Variants in SLC27A5 observed in about 807,000 individuals in gnomAD.
The protein encoded by SLC27A5 is long-chain fatty acid transport protein 5.
In SLC27A5, 47 loss-of-function variants were observed where a neutral mutation model predicts 63.1. That is an observed-to-expected ratio of 0.74 (90% CI 0.59 to 0.95). SLC27A5 has a LOEUF of 0.95. Ranked by LOEUF, SLC27A5 falls within the 40% of genes least tolerant of loss-of-function variation. The pLI, the probability that SLC27A5 is intolerant of heterozygous loss-of-function variation, is 0.00. For missense variants in SLC27A5, 940 were observed against 921.0 expected, an observed-to-expected ratio of 1.02 and a Z score of -0.27; for synonymous variants, 391 against 403.8, an observed-to-expected ratio of 0.97 and a Z score of 0.38.
At chr19:58,500,211 TC>T (rs2053257846) in intron 6 of SLC27A5, 127 bp downstream of exon 6, 1 of 739,332 alleles carries the variant, frequency 1.4e-6, no homozygotes. Flanking sequence ...TGGCTCAGGG[TC>T]CAGATGAAGG....
In SLC27A5 at chr19:58,500,844, A is replaced by G. The variant is rs1393930581; in HGVS notation, c.1183-138T>C. 3.4e-6 allele frequency: 5 copies of G among 1,453,258 alleles called. No homozygotes were observed. The Admixed American group carries it at 1.0e-4, about 30-fold the overall frequency. The allele number at this position is 1,453,258 out of a possible 1,614,324, so 90.0% of individuals were successfully genotyped here. A position where few individuals can be genotyped will look rare whatever the true frequency, so the allele number is the denominator to read the frequency against. On this transcript the variant is annotated intron_variant, in intron 4 of 9. Coordinates refer to ENST00000263093, the MANE Select transcript of SLC27A5 (RefSeq NM_012254.3). The stretch of plus-strand genomic sequence containing the variant: ...GTGATGGGGGACCTCTACCTAAGGG[A>G]TCTACCTGGGTTACTTACATGAGAG...
rs1568626509 is a variant in SLC27A5 at position 58,499,576 on chromosome 19, T to C, written c.1583A>G (p.Asp528Gly). The change falls in exon 7 of 10, where the codon GAC (aspartate) becomes GGC (glycine). Residue 528 changes from aspartate (D) to glycine (G), a missense_variant. By Grantham distance (94) the Asp-to-Gly change is moderately conservative. Coordinates refer to ENST00000263093, the MANE Select transcript of SLC27A5 (RefSeq NM_012254.3). ...TACGTCCCCGGTGTTGTAGTAAACGTCGCCCGATTGCCGCACGTTGCGCAC... is the reference window on the plus strand; with the variant it reads ...TACGTCCCCGGTGTTGTAGTAAACGCCGCCCGATTGCCGCACGTTGCGCAC... ...KLVRNVRQSG[D>G]VYYNTGDVLA... is the part of the protein sequence containing the mutation. 6.2e-7 allele frequency: 1 copy of C among 1,612,842 alleles called. No individual in the cohort carries two copies. Among genetic ancestry groups the C allele is most frequent in the Non-Finnish European group, 8.5e-7 (1 of 1,179,970 alleles).
Position 58,509,843 on chromosome 19 carries a change from T to G in SLC27A5, c.1057+4A>C. 6.2e-7 allele frequency: 1 copy of G among 1,610,278 alleles called. No individual in the cohort carries two copies. The highest frequency in any genetic ancestry group is 8.5e-7 in the Non-Finnish European group (1 of 1,178,044). On this transcript the variant is annotated splice_donor_region_variant and intron_variant, in intron 3 of 9. Coordinates refer to ENST00000263093, the MANE Select transcript of SLC27A5 (RefSeq NM_012254.3). Reference sequence around the variant, plus strand: ...ACTGGAGGGATCCTCAGAAGTGGGCTTACCGAGATCTAAGCAGCCGAGGAT... The same window carrying G: ...ACTGGAGGGATCCTCAGAAGTGGGCGTACCGAGATCTAAGCAGCCGAGGAT...
In SLC27A5 at chr19:58,500,593, G is replaced by A. The variant is rs773246436; in HGVS notation, c.1296C>T (p.Tyr432=). The change falls in exon 5 of 10, where the codon TAC becomes TAT. Residue 432 remains tyrosine, a synonymous_variant. Transcript: ENST00000263093. The stretch of plus-strand genomic sequence containing the variant: ...AGCCCATGTTGCCTTCTGTGGAGCC[G>A]TAGACTTCCCAGATCCGAATAGGAC... ...RFGPIRIWEV[Y]GSTEGNMGLV... is the part of the protein sequence containing the mutation. 3.0e-5 allele frequency: 49 copies of A among 1,613,964 alleles called. No homozygotes were observed. The highest frequency in any genetic ancestry group is 2.5e-4 in the East Asian group (11 of 44,884).
rs1339022690 is a variant in SLC27A5 at position 58,511,413 on chromosome 19, A to C, written c.543T>G (p.Ala181=). The part of the protein sequence containing the change: ...AGEPTALLVL[A]SQAVPALCMW... ...TACACAGGGCTGGAACGGCCTGGGAAGCCAGCACAAGGAGGGCAGTAGGCT... is the reference window on the plus strand; with the variant it reads ...TACACAGGGCTGGAACGGCCTGGGACGCCAGCACAAGGAGGGCAGTAGGCT... Residue 181 remains alanine, a synonymous_variant, in exon 1 of 10, where the codon GCT becomes GCG. Coordinates refer to ENST00000263093, the MANE Select transcript of SLC27A5 (RefSeq NM_012254.3). 8 of 1,607,406 alleles carry C rather than the reference A, an allele frequency of 5.0e-6. No individual in the cohort carries two copies. The highest frequency in any genetic ancestry group is 5.9e-6 in the Non-Finnish European group (7 of 1,177,150).
chr19:58,501,224 G>T, intron 4 of SLC27A5, 62 bp downstream of exon 4: 1 of 1,578,616 alleles, frequency 6.3e-7, no homozygotes, highest in South Asian at 1.1e-5. Context: ...CTTTACCTGA[G>T]ACCTTTACCT....
rs759825828 is a variant in SLC27A5, at chr19:58,511,815, C to G, written c.141G>C (p.Gly47=). The G allele has an allele frequency of 6.4e-7, 1 of 1,558,944 alleles. No individual in the cohort carries two copies. The highest frequency in any genetic ancestry group is 1.9e-5 in the Admixed American group (1 of 52,182). The change falls in exon 1 of 10, where the codon GGG becomes GGC. Residue 47 remains glycine, a synonymous_variant. Transcript: ENST00000263093. ...LGDPTCCVLL[G]LAMLARPWLG... ...GCCAGGGCCGTGCTAACATGGCCAG[C>G]CCAAGTAGCACGCAACATGTGGGAT...
Position 58,511,506 on chromosome 19 carries a change from G to A in SLC27A5, c.450C>T (p.Ala150=), listed in dbSNP as rs200537300. 168 of 1,572,120 alleles carry A rather than the reference G, an allele frequency of 1.1e-4. No homozygotes were observed. The Admixed American group carries it at 1.3e-3, about 12-fold the overall frequency. The change falls in exon 1 of 10, where the codon GCC becomes GCT. Residue 150 remains alanine, a synonymous_variant. Coordinates refer to ENST00000263093, the MANE Select transcript of SLC27A5 (RefSeq NM_012254.3). Reference sequence around the variant, plus strand: ...GGGCCCATGCCGCCTGGCAGGCCCGGGCATCCAGCTCACCAAAGGTGACTG... The same window carrying A: ...GGGCCCATGCCGCCTGGCAGGCCCGAGCATCCAGCTCACCAAAGGTGACTG... ...AGSVTFGELD[A]RACQAAWALK...
Position 58,511,474 on chromosome 19 carries a change from G to T in SLC27A5, c.482C>A (p.Ala161Asp). ...RACQAAWALK[A>D]ELGDPASLCA... ...CAGGCTCGCAGGGTCACCCAGCTCA[G>T]CCTTCAGGGCCCATGCCGCCTGGCA... The change falls in exon 1 of 10, where the codon GCT becomes GAT. Residue 161 changes from alanine (A) to aspartate (D), a missense_variant. Transcript: ENST00000263093. 1 of 1,583,814 alleles carries T rather than the reference G, an allele frequency of 6.3e-7. No individual in the cohort carries two copies. Among genetic ancestry groups the T allele is most frequent in the Non-Finnish European group, 8.6e-7 (1 of 1,165,634 alleles).
intron 3 of SLC27A5, among the ~76,000 whole-genome samples, chr19:58,502,599 G>C (rs1252197662): frequency 2.1e-5 from 2 of 95,534 alleles, no homozygotes; most frequent in African/African-American, 3.1e-5. Flanking sequence ...AGATGGATGG[G>C]TGGACAGAGT....
chr19:58,511,442 C>T lies in SLC27A5; in HGVS notation c.514G>A (p.Gly172Arg), dbSNP rs746067305. 2.6e-5 allele frequency: 42 copies of T among 1,600,918 alleles called. No individual in the cohort carries two copies. The highest frequency in any genetic ancestry group is 1.2e-4 in the African/African-American group (9 of 74,814). Residue 172 changes from glycine to arginine, a missense_variant, in exon 1 of 10, where the codon GGG becomes AGG. By Grantham distance (125) the Gly-to-Arg change is moderately radical. Coordinates refer to ENST00000263093, the MANE Select transcript of SLC27A5 (RefSeq NM_012254.3). ...ELGDPASLCA[G>R]EPTALLVLAS... ...AGCACAAGGAGGGCAGTAGGCTCCCCGGCACACAGGCTCGCAGGGTCACCC... is the reference window on the plus strand; with the variant it reads ...AGCACAAGGAGGGCAGTAGGCTCCCTGGCACACAGGCTCGCAGGGTCACCC...
Position 58,511,625 on chromosome 19 carries a change from G to A in SLC27A5, c.331C>T (p.Gln111Ter). 4 of 1,596,250 alleles carry A rather than the reference G, an allele frequency of 2.5e-6. 1 individual carries two copies. The highest frequency in any genetic ancestry group is 3.7e-4 in the Middle Eastern group (2 of 5,454). ...GCATCTACAAAGGTGTCAGGCGGCT[G>A]CCGGCTCAAGCATCCCCTGATCTTC... is the stretch of plus-strand genomic sequence containing the variant. ...GLKIRGCLSR[Q>*]PPDTFVDAFE... Residue 111 changes from glutamine to a stop codon, truncating the protein, a stop_gained, in exon 1 of 10, where the codon CAG becomes TAG. Coordinates refer to ENST00000263093, the MANE Select transcript of SLC27A5 (RefSeq NM_012254.3). LOFTEE classifies it high-confidence loss of function.
At chr19:58,506,734 C>T (rs779112180) in intron 3 of SLC27A5, among the ~76,000 whole-genome samples, 1 of 151,770 alleles carries the variant, frequency 6.6e-6, no homozygotes, top group Admixed American at 6.6e-5. Context: ...CTCAGCCTCC[C>T]GAGTAGCTGG....
chr19:58,511,011 A>G, intron 1 of SLC27A5, 81 bp from the exon 2 acceptor site: 1 of 1,159,142 alleles, frequency 8.6e-7, no homozygotes, highest in Non-Finnish European at 1.2e-6. Flanking sequence ...CCACAGATGC[A>G]GGCAGAGGAG....
At position 58,499,517 on chromosome 19, in the gene SLC27A5, G is replaced by A. The variant is rs375156687; in HGVS notation, c.1642C>T (p.Arg548Cys). 28 of 1,612,926 alleles carry A rather than the reference G, an allele frequency of 1.7e-5. No homozygotes were observed. The African/African-American group carries it at 2.7e-4, about 15-fold the overall frequency. ...AMDREGFLYF[R>C]DRLGDTFRWK... The stretch of plus-strand genomic sequence containing the variant: ...CGGAAGGTGTCCCCGAGGCGGTCGC[G>A]GAAGTAGAGGAAGCCTTCGCGGTCC... The change falls in exon 7 of 10, where the codon CGC (arginine) becomes TGC (cysteine). Residue 548 changes from arginine to cysteine, a missense_variant. Coordinates refer to ENST00000263093, the MANE Select transcript of SLC27A5 (RefSeq NM_012254.3).
chr19:58,506,364 G>A lies in SLC27A5; in HGVS notation c.1057+3483C>T, dbSNP rs1426449520. ...AGCCTGGCCAACATGGCAAAACCCC[G>A]TCTCTACTAAGAATACAAACATTAG... On this transcript the variant is annotated intron_variant, in intron 3 of 9. Coordinates refer to ENST00000263093, the MANE Select transcript of SLC27A5 (RefSeq NM_012254.3). Among the ~76,000 whole-genome samples, 7 of 152,212 alleles carry A rather than the reference G, an allele frequency of 4.6e-5. No individual in the cohort carries two copies. In the South Asian group the frequency reaches 6.2e-4, roughly 14 times the overall value.
chr19:58,499,768 C>T, intron 6 of SLC27A5, 78 bp from the exon 7 acceptor site: 2 of 1,377,394 alleles, frequency 1.5e-6, no homozygotes, highest in Non-Finnish European at 2.0e-6. Flanking sequence ...CAACGGTGGA[C>T]TCTTCATCAC....
Position 58,498,836 on chromosome 19 carries a change from G to A in SLC27A5, c.1845C>T (p.His615=). 1 of 1,614,056 alleles carries A rather than the reference G, an allele frequency of 6.2e-7. No individual in the cohort carries two copies. Among genetic ancestry groups the A allele is most frequent in the South Asian group, 1.1e-5 (1 of 91,086 alleles). ...CGTAGGCAGGGAGCCAAGCGCGAAC[G>A]TGCTGGTACAACTTCTCCCCGTCGA... The part of the protein sequence containing the change: ...QTFDGEKLYQ[H]VRAWLPAYAT... Residue 615 remains histidine, a synonymous_variant, in exon 9 of 10, where the codon CAC becomes CAT. Coordinates refer to ENST00000263093, the MANE Select transcript of SLC27A5 (RefSeq NM_012254.3).
In SLC27A5 at chr19:58,508,020, G is replaced by T. The variant is rs541835769; in HGVS notation, c.1057+1827C>A. The T allele has an allele frequency of 5.0e-4, 76 of 152,256 alleles. 1 individual carries two copies. The highest frequency in any genetic ancestry group is 1.7e-3 in the African/African-American group (72 of 41,522). The allele number at this position is 152,256 out of a possible 1,614,324, so 9.4% of individuals were successfully genotyped here. A position where few individuals can be genotyped will look rare whatever the true frequency, so the allele number is the denominator to read the frequency against. On this transcript the variant is annotated intron_variant, in intron 3 of 9. Coordinates refer to ENST00000263093, the MANE Select transcript of SLC27A5 (RefSeq NM_012254.3). Reference sequence around the variant, plus strand: ...TTTTGCCCTTTGCCTTGTGATCTTTGTTGGACCCTGATCAGTAGTTCCGTT... The same window carrying T: ...TTTTGCCCTTTGCCTTGTGATCTTTTTTGGACCCTGATCAGTAGTTCCGTT...
Sources: allele counts gnomAD v4.1 joint callset (sites outside exome capture counted in the v4.1 genomes callset), GRCh38; gene constraint gnomAD v4.1.1; transcripts MANE v1.5; gene names NCBI Gene and HGNC (gene_info 2026-07-23, HGNC 2026-07-21).